Variants in ARMC9 observed in about 807,000 individuals in gnomAD.
ARMC9 encodes the protein lisH domain-containing protein ARMC9.
Under a neutral mutation model 107.0 loss-of-function variants are expected in ARMC9, and 94 were observed. The ratio of observed to expected loss-of-function variants is 0.88; its 90% CI spans 0.74 to 1.04. The LOEUF (loss-of-function observed/expected upper bound fraction) is 1.04, where lower values mean the gene tolerates loss of function less well. Among genes scored for constraint, ARMC9 ranks in the 50% least tolerant of loss-of-function variants. The pLI, the probability that ARMC9 is intolerant of heterozygous loss-of-function variation, is 0.00. For missense variants in ARMC9, 942 were observed against 1,030.1 expected, an observed-to-expected ratio of 0.91 and a Z score of 1.17; for synonymous variants, 380 against 396.9, an observed-to-expected ratio of 0.96 and a Z score of 0.51.
intron 9 of ARMC9, among the ~76,000 whole-genome samples, chr2:231,253,105 G>GT (rs1049892542): frequency 9.1e-4 from 101 of 110,638 alleles, no homozygotes; most frequent in African/African-American, 3.4e-3. Context: ...TATTTTCATT[G>GT]TTTTTTGTTT....
intron 1 of ARMC9, among the ~76,000 whole-genome samples, chr2:231,199,654 C>T (rs997237491): frequency 6.6e-6 from 1 of 152,096 alleles, no homozygotes; most frequent in Non-Finnish European, 1.5e-5. Flanking sequence ...ATAAATGATA[C>T]CTATTATGAT....
chr2:231,295,379 G>A (rs1288128944), intron 18 of ARMC9: 2 of 152,338 alleles, frequency 1.3e-5, no homozygotes, highest in African/African-American at 4.8e-5. Context: ...AAAACGCTGA[G>A]TGTGTTCGGG....
At position 231,303,418 on chromosome 2, in the gene ARMC9, A is replaced by G. The variant is rs145341256; in HGVS notation, c.1773+7165A>G. On this transcript the variant is annotated intron_variant, in intron 19 of 24. Coordinates refer to ENST00000611582, the MANE Select transcript of ARMC9 (RefSeq NM_001352754.2). ...CCAAATAGAAGTGGAGAGAGCAGGC[A>G]TCTTTTGCTTGTTCCTGATCTTACA... Among the ~76,000 whole-genome samples the G allele has an allele frequency of 6.9e-3, 1,046 of 152,322 alleles. 12 individuals carry two copies. The highest frequency in any genetic ancestry group is 0.024 in the African/African-American group (1,006 of 41,582).
intron 8 of ARMC9, among the ~76,000 whole-genome samples, chr2:231,238,595 C>T (rs1193037952): frequency 1.3e-5 from 2 of 152,204 alleles, no homozygotes; most frequent in East Asian, 1.9e-4. Flanking sequence ...TCAAGTGATC[C>T]GCCTGCCTCA....
chr2:231,317,855 T>C (rs1012346601), intron 19 of ARMC9, among the ~76,000 whole-genome samples: 1 of 152,170 alleles, frequency 6.6e-6, no homozygotes, highest in Non-Finnish European at 1.5e-5. Context: ...ATAGTGTCTA[T>C]TTTTCTGTTG....
chr2:231,351,206 G>C (rs2045063579), intron 21 of ARMC9, among the ~76,000 whole-genome samples: 1 of 149,622 alleles, frequency 6.7e-6, no homozygotes, highest in African/African-American at 2.5e-5. Flanking sequence ...GCCTGTCTCG[G>C]CCTCCCAAAG....
At chr2:231,304,240 C>G (rs1187491236) in intron 19 of ARMC9, among the ~76,000 whole-genome samples, 1 of 152,060 alleles carries the variant, frequency 6.6e-6, no homozygotes, top group Admixed American at 6.6e-5. Flanking sequence ...TAATAATAAT[C>G]ATTATTATTA....
At chr2:231,215,549 G>A (rs1295173484) in intron 4 of ARMC9, among the ~76,000 whole-genome samples, 1 of 152,212 alleles carries the variant, frequency 6.6e-6, no homozygotes, top group African/African-American at 2.4e-5. Context: ...AAGCCCTTTT[G>A]AGTGATAGGT....
intron 7 of ARMC9, among the ~76,000 whole-genome samples, chr2:231,229,992 ATAAAT>A (rs1430449210): frequency 1.3e-5 from 2 of 152,210 alleles, no homozygotes; most frequent in African/African-American, 4.8e-5. Context: ...AAGAGTCTCA[ATAAAT>A]TTCACTGGCA....
intron 9 of ARMC9, among the ~76,000 whole-genome samples, chr2:231,249,934 G>A (rs1356084152): frequency 4.1e-5 from 2 of 49,328 alleles, no homozygotes; most frequent in Admixed American, 1.7e-4. Context: ...ACACCTCCAC[G>A]GGAGGGAGAC....
At chr2:231,346,280 G>T (rs558601380) in intron 21 of ARMC9, among the ~76,000 whole-genome samples, 2 of 152,266 alleles carry the variant, frequency 1.3e-5, no homozygotes, top group African/African-American at 4.8e-5. Flanking sequence ...CCAGCAGTTC[G>T]GGAGGCTGAG....
intron 19 of ARMC9, among the ~76,000 whole-genome samples, chr2:231,323,989 C>T (rs1345883785): frequency 6.6e-6 from 1 of 152,132 alleles, no homozygotes; most frequent in Non-Finnish European, 1.5e-5. Flanking sequence ...GCCCCCTGCT[C>T]ACACTGCTAA....
At chr2:231,294,322 CAG>C (rs1553618041) in intron 18 of ARMC9, 1 of 152,356 alleles carries the variant, frequency 6.6e-6, no homozygotes, top group Non-Finnish European at 1.5e-5. Flanking sequence ...TGCCAGCCCT[CAG>C]GGAGGGGAAC....
At chr2:231,369,893 C>T (rs2045951848) in intron 23 of ARMC9, 60 bp from the exon 24 acceptor site, 2 of 1,372,602 alleles carry the variant, frequency 1.5e-6, no homozygotes, top group African/African-American at 1.5e-5. Flanking sequence ...CACACCCGGC[C>T]CCTCCTGTGG....
At position 231,233,649 on chromosome 2, in the gene ARMC9, G is replaced by A. The variant is rs187339747; in HGVS notation, c.623-1575G>A. On this transcript the variant is annotated intron_variant, in intron 7 of 24. Coordinates refer to ENST00000611582, the MANE Select transcript of ARMC9 (RefSeq NM_001352754.2). The stretch of plus-strand genomic sequence containing the variant: ...AAATTAGCCGGGCATGGTGGCACAT[G>A]CCTGTAATCCCAGCTACTCGGGAAG... Among the ~76,000 whole-genome samples the A allele has an allele frequency of 5.9e-3, 902 of 152,172 alleles. 13 individuals are homozygous for A. Among genetic ancestry groups the A allele is most frequent in the African/African-American group, 0.02 (814 of 41,516 alleles).
intron 20 of ARMC9, among the ~76,000 whole-genome samples, chr2:231,335,272 A>C (rs2044009481): frequency 6.6e-6 from 1 of 152,220 alleles, no homozygotes. Flanking sequence ...GGTTAAGGAT[A>C]GAGTCTAGGC....
chr2:231,310,285 A>G (rs1360857934), intron 19 of ARMC9, among the ~76,000 whole-genome samples: 1 of 150,144 alleles, frequency 6.7e-6, no homozygotes, highest in Non-Finnish European at 1.5e-5. Flanking sequence ...ATGGTGGCAC[A>G]TGCCTGTAAT....
chr2:231,202,955 C>T (rs2031310194), intron 1 of ARMC9, among the ~76,000 whole-genome samples: 1 of 152,148 alleles, frequency 6.6e-6, no homozygotes, highest in African/African-American at 2.4e-5. Context: ...AGACACACAA[C>T]TCTCCCTCCC....
At chr2:231,364,229 C>G (rs1298408161) in intron 23 of ARMC9, among the ~76,000 whole-genome samples, 1 of 152,218 alleles carries the variant, frequency 6.6e-6, no homozygotes, top group Non-Finnish European at 1.5e-5. Flanking sequence ...CAGCCCCAGC[C>G]AGGTGTGGGG....
Sources: allele counts gnomAD v4.1 joint callset (sites outside exome capture counted in the v4.1 genomes callset), GRCh38; gene constraint gnomAD v4.1.1; transcripts MANE v1.5; gene names NCBI Gene and HGNC (gene_info 2026-07-23, HGNC 2026-07-21).